RBFOX1: variants seen among roughly 807,000 people sequenced by gnomAD.
RBFOX1 encodes RNA binding fox-1 homolog 1.
In RBFOX1, 8 loss-of-function variants were observed where a neutral mutation model predicts 57.7. The ratio of observed to expected loss-of-function variants is 0.14; its 90% CI spans 0.08 to 0.25. The LOEUF (loss-of-function observed/expected upper bound fraction) is 0.25. Among genes scored for constraint, RBFOX1 ranks in the 10% least tolerant of loss-of-function variants. The pLI, the probability that RBFOX1 is intolerant of heterozygous loss-of-function variation, is 1.00. For missense variants in RBFOX1, 611 were observed against 548.5 expected, an observed-to-expected ratio of 1.11 and a Z score of -1.14; for synonymous variants, 326 against 222.4, an observed-to-expected ratio of 1.47 and a Z score of -4.15.
chr16:5,978,678 G>GT (rs796277829), intron 4 of RBFOX1, among the ~76,000 whole-genome samples: 7,090 of 141,366 alleles, frequency 0.05, 556 homozygotes, highest in African/African-American at 0.17. Flanking sequence ...TTTTTTGTTT[G>GT]TTTTTTTTTT....
At chr16:6,200,111 G>A (rs1243420401) in intron 1 of RBFOX1, among the ~76,000 whole-genome samples, 1 of 152,148 alleles carries the variant, frequency 6.6e-6, no homozygotes, top group East Asian at 1.9e-4. Flanking sequence ...ATTGGAAAGG[G>A]AGCCAAATTG....
At chr16:7,402,489 G>C (rs2098261630) in intron 4 of RBFOX1, among the ~76,000 whole-genome samples, 1 of 152,162 alleles carries the variant, frequency 6.6e-6, no homozygotes, top group South Asian at 2.1e-4. Context: ...CCGAGAGATA[G>C]GAGAAAATAA....
chr16:7,088,167 C>T (rs1397446644), intron 4 of RBFOX1, among the ~76,000 whole-genome samples: 4 of 152,112 alleles, frequency 2.6e-5, no homozygotes, highest in Non-Finnish European at 5.9e-5. Context: ...GTACGGTTTT[C>T]TGTTTTTTGA....
At chr16:6,873,711 A>G (rs995412400) in intron 3 of RBFOX1, among the ~76,000 whole-genome samples, 3 of 152,170 alleles carry the variant, frequency 2.0e-5, no homozygotes, top group African/African-American at 4.8e-5. Flanking sequence ...CACTGTCACT[A>G]TCATCCTCTC....
chr16:5,338,461 A>C (rs2064953613), intron 1 of RBFOX1, among the ~76,000 whole-genome samples: 1 of 152,156 alleles, frequency 6.6e-6, no homozygotes, highest in South Asian at 2.1e-4. Flanking sequence ...GAAGATCTGG[A>C]GAGAGAATCA....
At chr16:5,612,015 C>T (rs1368821318) in intron 3 of RBFOX1, among the ~76,000 whole-genome samples, 1 of 151,842 alleles carries the variant, frequency 6.6e-6, no homozygotes, top group South Asian at 2.1e-4. Context: ...GTGGTCCCAG[C>T]TACTTGGGAG....
chr16:5,521,746 C>T (rs1419648860), intron 2 of RBFOX1, among the ~76,000 whole-genome samples: 1 of 152,234 alleles, frequency 6.6e-6, no homozygotes, highest in African/African-American at 2.4e-5. Flanking sequence ...CTCCTGTTCA[C>T]ACAATATACC....
chr16:6,320,820 A>C (rs916164148), intron 2 of RBFOX1, among the ~76,000 whole-genome samples: 1 of 152,092 alleles, frequency 6.6e-6, no homozygotes, highest in Non-Finnish European at 1.5e-5. Flanking sequence ...ATGAGACAGA[A>C]TCTCACTCTG....
chr16:6,620,472 C>T (rs766584019), intron 2 of RBFOX1, among the ~76,000 whole-genome samples: 10 of 152,018 alleles, frequency 6.6e-5, no homozygotes, highest in Non-Finnish European at 1.5e-4. Flanking sequence ...CCAAAGCTAG[C>T]AGAAGACAGG....
intron 2 of RBFOX1, among the ~76,000 whole-genome samples, chr16:6,590,249 A>C (rs1207014936): frequency 6.6e-6 from 1 of 152,174 alleles, no homozygotes; most frequent in Non-Finnish European, 1.5e-5. Flanking sequence ...ATTATCTTTC[A>C]TGATCCTCAG....
chr16:5,851,531 C>T (rs889327240), intron 3 of RBFOX1, among the ~76,000 whole-genome samples: 3 of 152,134 alleles, frequency 2.0e-5, no homozygotes, highest in Non-Finnish European at 4.4e-5. Flanking sequence ...CTGGGCAGGA[C>T]GAGGTAATAA....
intron 3 of RBFOX1, among the ~76,000 whole-genome samples, chr16:5,716,486 C>T (rs1400382214): frequency 3.9e-5 from 6 of 152,284 alleles, no homozygotes; most frequent in Admixed American, 2.0e-4. Context: ...TAGAGAAATG[C>T]AAATCAAAAC....
chr16:6,117,467 G>T (rs529091132), intron 1 of RBFOX1, among the ~76,000 whole-genome samples: 24 of 152,354 alleles, frequency 1.6e-4, no homozygotes, highest in African/African-American at 4.6e-4. Context: ...CGATGTGATA[G>T]GATTAAGAGG....
At chr16:5,884,543 T>G (rs1461594431) in intron 4 of RBFOX1, among the ~76,000 whole-genome samples, 1 of 149,794 alleles carries the variant, frequency 6.7e-6, no homozygotes. Flanking sequence ...TAAGACCATG[T>G]GACTGAGTTC....
At chr16:7,224,140 A>AT (rs1384960214) in intron 4 of RBFOX1, among the ~76,000 whole-genome samples, 1 of 148,440 alleles carries the variant, frequency 6.7e-6, no homozygotes, top group African/African-American at 2.5e-5. Context: ...AAAAAAAAAA[A>AT]AAAAAAAAAA....
chr16:6,561,548 G>T (rs1240525446), intron 2 of RBFOX1, among the ~76,000 whole-genome samples: 1 of 152,194 alleles, frequency 6.6e-6, no homozygotes, highest in African/African-American at 2.4e-5. Flanking sequence ...TATAAAGGAA[G>T]ATGTGTGATT....
chr16:5,838,815 C>T (rs1025353631), intron 3 of RBFOX1, among the ~76,000 whole-genome samples: 4 of 152,182 alleles, frequency 2.6e-5, no homozygotes, highest in African/African-American at 9.7e-5. Context: ...TTACAGTTAA[C>T]GTGAACTAAG....
intron 4 of RBFOX1, among the ~76,000 whole-genome samples, chr16:7,265,958 G>GTATTTTTTTTTTTTTTTTTT (rs1567956396): frequency 9.3e-6 from 1 of 107,604 alleles, no homozygotes; most frequent in African/African-American, 4.6e-5. Context: ...GATCTGGTGG[G>GTATTTTTTTTTTTTTTTTTT]TTTTTGTTTT....
At chr16:7,418,311 G>A (rs919841370) in intron 4 of RBFOX1, among the ~76,000 whole-genome samples, 1 of 152,190 alleles carries the variant, frequency 6.6e-6, no homozygotes, top group African/African-American at 2.4e-5. Context: ...GTCTGTTTGA[G>A]TGGGGGACTT....
Sources: allele counts gnomAD v4.1 joint callset (sites outside exome capture counted in the v4.1 genomes callset), GRCh38; gene constraint gnomAD v4.1.1; transcripts MANE v1.5; gene names NCBI Gene and HGNC (gene_info 2026-07-23, HGNC 2026-07-21).